Variants in AGBL5 observed in about 807,000 individuals in gnomAD.
AGBL5 encodes cytosolic carboxypeptidase-like protein 5.
In AGBL5, 51 loss-of-function variants were observed where a neutral mutation model predicts 88.0. The ratio of observed to expected loss-of-function variants is 0.58; its 90% CI spans 0.46 to 0.73. The LOEUF is 0.73. AGBL5 is among the 30% of genes least tolerant of loss of function. The pLI is 0.00. For missense variants in AGBL5, 1,031 were observed against 1,162.2 expected, an observed-to-expected ratio of 0.89 and a Z score of 1.64; for synonymous variants, 446 against 438.8, an observed-to-expected ratio of 1.02 and a Z score of -0.21.
At chr2:27,064,073 ATCAAGT>A (rs1402423003) in intron 11 of AGBL5, among the ~76,000 whole-genome samples, 7 of 152,122 alleles carry the variant, frequency 4.6e-5, no homozygotes, top group African/African-American at 1.2e-4. Flanking sequence ...TATTTCCTCT[ATCAAGT>A]TCATGATTTC....
At chr2:27,067,788 G>A (rs751952873) in intron 12 of AGBL5, 142 bp downstream of exon 12, 1 of 922,652 alleles carries the variant, frequency 1.1e-6, no homozygotes, top group Non-Finnish European at 1.8e-6. Flanking sequence ...CTTTGTATAG[G>A]AAGCTGGAAT....
intron 11 of AGBL5, among the ~76,000 whole-genome samples, chr2:27,063,391 C>T (rs973539508): frequency 2.6e-5 from 4 of 151,984 alleles, no homozygotes; most frequent in Non-Finnish European, 5.9e-5. Context: ...TCGAGGAGAT[C>T]GAGACCGTCC....
At chr2:27,069,821 A>G in intron 14 of AGBL5, 115 bp downstream of exon 14, 3 of 1,481,630 alleles carry the variant, frequency 2.0e-6, no homozygotes, top group Non-Finnish European at 2.7e-6. Flanking sequence ...CAAAGACTAA[A>G]TGTACTTCCA....
At chr2:27,063,134 AAG>A (rs1369341547) in intron 11 of AGBL5, among the ~76,000 whole-genome samples, 4 of 152,236 alleles carry the variant, frequency 2.6e-5, no homozygotes, top group African/African-American at 9.6e-5. Flanking sequence ...CAGAGGAACT[AAG>A]AGGGCTTTAA....
At position 27,069,857 on chromosome 2, in the gene AGBL5, T is replaced by G. The variant is rs546001022; in HGVS notation, c.2489+151T>G. 5 of 1,453,126 alleles carry G rather than the reference T, an allele frequency of 3.4e-6. No homozygotes were observed. The East Asian group carries it at 7.4e-5, about 22-fold the overall frequency. 90.0% of individuals were successfully genotyped at this position (1,453,126 alleles called of 1,614,324 possible). On this transcript the variant is annotated intron_variant, in intron 14 of 14. Transcript: ENST00000360131. ...TTAAGAATCTAGTCCCTGATTTTTT[T>G]TTCCCCCACCATGGCCAAGTCTTCA... is the stretch of plus-strand genomic sequence containing the variant.
chr2:27,069,644 C>T lies in AGBL5; in HGVS notation c.2427C>T (p.Ser809=), dbSNP rs1254416432. 6.2e-7 allele frequency: 1 copy of T among 1,614,058 alleles called. No homozygotes were observed. Among genetic ancestry groups the T allele is most frequent in the Admixed American group, 1.7e-5 (1 of 60,002 alleles). The part of the protein sequence containing the change: ...RGMKGSSGPT[S]PTPRTRESSE... ...TGAAAGGCTCTTCAGGCCCCACATC[C>T]CCTACCCCCCGGACCAGGGAGAGCA... Residue 809 remains serine (S), a synonymous_variant, in exon 14 of 15, where the codon TCC becomes TCT. Transcript: ENST00000360131.
chr2:27,068,736 C>A lies in AGBL5; in HGVS notation c.2347C>A (p.Arg783=). The A allele has an allele frequency of 6.2e-7, 1 of 1,613,992 alleles. No individual in the cohort carries two copies. The highest frequency in any genetic ancestry group is 8.5e-7 in the Non-Finnish European group (1 of 1,179,948). ...TGARMPCIKT[R]LQARPRLGRG... ...AGCTCGGATGCCCTGCATCAAGACT[C>A]GATTGCAGGTAATATTTTTGGGTCT... The change falls in exon 13 of 15, where the codon CGA becomes AGA. Residue 783 remains arginine, a synonymous_variant. Transcript: ENST00000360131.
At chr2:27,064,079 T>C (rs562803072) in intron 11 of AGBL5, among the ~76,000 whole-genome samples, 1 of 152,328 alleles carries the variant, frequency 6.6e-6, no homozygotes, top group Admixed American at 6.5e-5. Context: ...CTCTATCAAG[T>C]TCATGATTTC....
At chr2:27,055,575 C>T in intron 6 of AGBL5, 107 bp from the exon 7 acceptor site, 2 of 1,036,014 alleles carry the variant, frequency 1.9e-6, no homozygotes, top group Non-Finnish European at 2.8e-6. Context: ...TAGCTTCAGC[C>T]TCTCATTTGA....
intron 11 of AGBL5, among the ~76,000 whole-genome samples, chr2:27,063,651 C>T (rs985873081): frequency 6.6e-6 from 1 of 151,598 alleles, no homozygotes; most frequent in Non-Finnish European, 1.5e-5. Flanking sequence ...GGGCATAAAT[C>T]AGGTCTGTGA....
At chr2:27,068,489 T>C (rs1411938858) in intron 12 of AGBL5, 143 bp from the exon 13 acceptor site, 1 of 655,590 alleles carries the variant, frequency 1.5e-6, no homozygotes, top group African/African-American at 1.8e-5. Context: ...CGAAACATCC[T>C]ACAATGCACA....
Position 27,059,259 on chromosome 2 carries a change from C to T in AGBL5, c.1944C>T (p.Ala648=), listed in dbSNP as rs754893452. 35 of 1,614,082 alleles carry T rather than the reference C, an allele frequency of 2.2e-5. No homozygotes were observed. Among genetic ancestry groups the T allele is most frequent in the African/African-American group, 8.0e-5 (6 of 74,952 alleles). The part of the protein sequence containing the change: ...RARSFSTGTS[A]GGSSSSQQNS... ...GAAGTTTTAGCACCGGCACAAGTGC[C>T]GGTGGTAGCAGCAGCAGCCAACAAA... Residue 648 remains alanine, a synonymous_variant, in exon 11 of 15, where the codon GCC becomes GCT. Transcript: ENST00000360131.
rs546802244 is a variant in AGBL5 at position 27,064,268 on chromosome 2, C to T, written c.2090-3226C>T. 2.8e-4 allele frequency among the ~76,000 whole-genome samples: 42 copies of T among 150,018 alleles called. No homozygotes were observed. The South Asian group carries it at 8.9e-3, about 32-fold the overall frequency. ...ATTGGCAACCTGTGCCAACAACTCT[C>T]ACTAGCCCCCTAACATCTGGTTGTT... On this transcript the variant is annotated intron_variant, in intron 11 of 14. Transcript: ENST00000360131.
At chr2:27,065,014 A>G (rs1206373694) in intron 11 of AGBL5, among the ~76,000 whole-genome samples, 1 of 150,992 alleles carries the variant, frequency 6.6e-6, no homozygotes, top group Non-Finnish European at 1.5e-5. Flanking sequence ...TCAGCCTCCC[A>G]AAGTGGTGGG....
At chr2:27,067,385 A>G in intron 11 of AGBL5, 109 bp from the exon 12 acceptor site, 2 of 1,095,770 alleles carry the variant, frequency 1.8e-6, no homozygotes, top group Non-Finnish European at 2.7e-6. Context: ...TCTGATGACA[A>G]GCTTGAAAAC....
intron 11 of AGBL5, among the ~76,000 whole-genome samples, chr2:27,066,855 C>T (rs1458832648): frequency 1.3e-5 from 2 of 151,996 alleles, no homozygotes; most frequent in South Asian, 2.1e-4. Flanking sequence ...GAAGCCAAGG[C>T]GGGTGGATCA....
intron 10 of AGBL5, 116 bp downstream of exon 10, chr2:27,058,718 T>G (rs1235371740): frequency 9.0e-7 from 1 of 1,111,614 alleles, no homozygotes. Context: ...AAATGGCAAA[T>G]ATCTTCAGGG....
chr2:27,059,617 G>C (rs1452704017), intron 11 of AGBL5: 1 of 1,153,834 alleles, frequency 8.7e-7, no homozygotes, highest in East Asian at 2.5e-5. Context: ...GGGGAAGTCT[G>C]GGTATCTGGG....
At chr2:27,062,907 G>C (rs189259115) in intron 11 of AGBL5, 1 of 152,340 alleles carries the variant, frequency 6.6e-6, no homozygotes. Context: ...AGCAGTAGCT[G>C]AAATGTCTTG....
Sources: allele counts gnomAD v4.1 joint callset (sites outside exome capture counted in the v4.1 genomes callset), GRCh38; gene constraint gnomAD v4.1.1; transcripts MANE v1.5; gene names NCBI Gene and HGNC (gene_info 2026-07-23, HGNC 2026-07-21).